NLGN4Y: variants seen among roughly 807,000 people sequenced by gnomAD.
The protein encoded by NLGN4Y is neuroligin-4, Y-linked.
NLGN4Y carries 4 observed loss-of-function variants against 8.4 expected under a neutral mutation model. That is an observed-to-expected ratio of 0.48 (90% CI 0.23 to 1.09). The LOEUF is 1.09. Among genes scored for constraint, NLGN4Y ranks in the 50% least tolerant of loss-of-function variants. NLGN4Y has a pLI of 0.19. For missense variants in NLGN4Y, 90 were observed against 192.3 expected, an observed-to-expected ratio of 0.47 and a Z score of 3.15; for synonymous variants, 35 against 75.6, an observed-to-expected ratio of 0.46 and a Z score of 2.78.
In NLGN4Y at chrY:14,722,577, A is replaced by G; in HGVS notation, c.533-540A>G. Among the ~76,000 whole-genome samples the G allele has an allele frequency of 9.7e-5, 3 of 30,876 alleles. No homozygotes were observed. The South Asian group carries it at 2.2e-3, about 22-fold the overall frequency. 82.8% of individuals were successfully genotyped at this position (30,876 alleles called of 37,273 possible). ...CAAACATCCAGATGCTTCTCAAAAT[A>G]GCATTTCCGGCCGGGCGCGGTGGCT... is the stretch of plus-strand genomic sequence containing the variant. On this transcript the variant is annotated intron_variant, in intron 3 of 6. Transcript: ENST00000684976.
intron 2 of NLGN4Y, among the ~76,000 whole-genome samples, chrY:14,661,902 C>T (rs2080675908): frequency 3.0e-5 from 1 of 33,868 alleles, no homozygotes; most frequent in African/African-American, 1.1e-4. Context: ...TGAAACAGAG[C>T]TCTTCCAGCC....
chrY:14,595,997 G>A (rs1056342244), intron 1 of NLGN4Y, among the ~76,000 whole-genome samples: 2 of 32,854 alleles, frequency 6.1e-5, no homozygotes, highest in East Asian at 8.1e-4. Flanking sequence ...AGTCCTAAGC[G>A]TTCTCCTGTT....
intron 2 of NLGN4Y, among the ~76,000 whole-genome samples, chrY:14,666,536 T>G: frequency 3.0e-5 from 1 of 32,932 alleles, no homozygotes; most frequent in Admixed American, 2.8e-4. Flanking sequence ...ATTCTTAATA[T>G]AGTTGTAAAG....
chrY:14,834,004 A>T (rs1603504489), intron 6 of NLGN4Y, among the ~76,000 whole-genome samples: 2 of 26,503 alleles, frequency 7.5e-5, no homozygotes, highest in East Asian at 2.1e-3. Flanking sequence ...TGTCACTATT[A>T]AAAAAAAAAA....
intron 2 of NLGN4Y, among the ~76,000 whole-genome samples, chrY:14,678,036 T>C: frequency 3.0e-5 from 1 of 33,472 alleles, no homozygotes; most frequent in Non-Finnish European, 7.4e-5. Context: ...TTATCCTTGT[T>C]AATTTAATGC....
chrY:14,567,794 T>C (rs2150478845), intron 1 of NLGN4Y, among the ~76,000 whole-genome samples: 1 of 31,577 alleles, frequency 3.2e-5, no homozygotes, highest in Non-Finnish European at 7.6e-5. Flanking sequence ...ACCTTAGCCT[T>C]CCCAAGTGCT....
intron 1 of NLGN4Y, among the ~76,000 whole-genome samples, chrY:14,572,511 G>A: frequency 3.1e-5 from 1 of 31,961 alleles, no homozygotes; most frequent in African/African-American, 1.2e-4. Context: ...GGATGATGGC[G>A]TTTTCTAGAT....
chrY:14,796,602 CAT>C (rs2043012473), intron 4 of NLGN4Y, among the ~76,000 whole-genome samples: 1 of 28,317 alleles, frequency 3.5e-5, no homozygotes, highest in Non-Finnish European at 8.3e-5. Context: ...AGAAAGAAAT[CAT>C]GTAATTGGTG....
intron 2 of NLGN4Y, among the ~76,000 whole-genome samples, chrY:14,662,694 G>A (rs952611141): frequency 6.1e-5 from 2 of 32,771 alleles, no homozygotes; most frequent in African/African-American, 2.4e-4. Flanking sequence ...GTGTCCCCTC[G>A]GGGATTAAGA....
At chrY:14,697,598 T>G (rs9786587) in intron 2 of NLGN4Y, among the ~76,000 whole-genome samples, 20 of 19,735 alleles carry the variant, frequency 1.0e-3, no homozygotes, top group African/African-American at 5.9e-3. Context: ...ATGAGAGAGA[T>G]AGATAGATAG....
chrY:14,631,627 C>A (rs779963758), intron 2 of NLGN4Y, among the ~76,000 whole-genome samples: 1 of 34,581 alleles, frequency 2.9e-5, no homozygotes, highest in African/African-American at 1.1e-4. Context: ...TTTTTTCAGA[C>A]AGCTATGACA....
In NLGN4Y at chrY:14,622,141, C is replaced by T; in HGVS notation, c.22C>T (p.Leu8=). 2.5e-6 allele frequency: 1 copy of T among 397,762 alleles called. No homozygotes were observed. The highest frequency in any genetic ancestry group is 3.0e-5 in the South Asian group (1 of 33,778). MLRPQGL[L]WLPLLFTSVC... ...AACCATGTTGCGTCCCCAGGGACTG[C>T]TATGGCTCCCTTTGTTGTTCACCTC... Residue 8 remains leucine (L), a synonymous_variant, in exon 2 of 7, where the codon CTA becomes TTA. Coordinates refer to ENST00000684976, the MANE Select transcript of NLGN4Y (RefSeq NM_001365588.1).
intron 2 of NLGN4Y, among the ~76,000 whole-genome samples, chrY:14,678,215 G>A (rs932842779): frequency 6.0e-5 from 2 of 33,207 alleles, no homozygotes; most frequent in African/African-American, 1.2e-4. Context: ...GTTATTCACT[G>A]TATTATTTTT....
intron 1 of NLGN4Y, among the ~76,000 whole-genome samples, chrY:14,596,482 G>A: frequency 3.0e-5 from 1 of 33,813 alleles, no homozygotes; most frequent in Non-Finnish European, 7.3e-5. Context: ...AGATAGGCGA[G>A]TCTCGCTTGG....
intron 4 of NLGN4Y, among the ~76,000 whole-genome samples, chrY:14,736,526 G>C: frequency 3.1e-5 from 1 of 32,452 alleles, no homozygotes; most frequent in African/African-American, 1.2e-4. Flanking sequence ...CATGAGATTT[G>C]GGAGGGTCTA....
chrY:14,727,894 A>G (rs2080960218), intron 4 of NLGN4Y, among the ~76,000 whole-genome samples: 1 of 33,295 alleles, frequency 3.0e-5, no homozygotes, highest in Non-Finnish European at 7.4e-5. Flanking sequence ...GGTCAGGGTC[A>G]CAAAACTTGA....
intron 4 of NLGN4Y, among the ~76,000 whole-genome samples, chrY:14,815,439 G>A: frequency 6.0e-5 from 2 of 33,114 alleles, no homozygotes; most frequent in African/African-American, 2.4e-4. Flanking sequence ...CAGGTAGGAG[G>A]TGATAATTTT....
At chrY:14,692,136 C>T (rs2080812098) in intron 2 of NLGN4Y, among the ~76,000 whole-genome samples, 1 of 32,797 alleles carries the variant, frequency 3.0e-5, no homozygotes, top group Non-Finnish European at 7.5e-5. Context: ...ATTTATGAAG[C>T]TAAATTAGCC....
chrY:14,550,785 C>G, intron 1 of NLGN4Y, among the ~76,000 whole-genome samples: 1 of 33,845 alleles, frequency 3.0e-5, no homozygotes, highest in Non-Finnish European at 7.3e-5. Flanking sequence ...GTAACCCGAG[C>G]TTTCTCTCTG....
Sources: gnomAD v4.1 joint callset for allele counts (sites outside exome capture counted in the v4.1 genomes callset) on GRCh38, gnomAD v4.1.1 for gene constraint, MANE v1.5 for transcripts, NCBI Gene and HGNC (gene_info 2026-07-23, HGNC 2026-07-21) for gene names.